Variants in SLC6A15 observed in about 807,000 individuals in gnomAD.
SLC6A15 encodes the protein sodium-dependent neutral amino acid transporter B(0)AT2.
Under a neutral mutation model 68.5 loss-of-function variants are expected in SLC6A15, and 33 were observed. The observed-to-expected ratio is 0.48, with a 90% CI of 0.37 to 0.64. The LOEUF (loss-of-function observed/expected upper bound fraction) is 0.64, where lower values mean the gene tolerates loss of function less well. Ranked by LOEUF, SLC6A15 falls within the 30% of genes least tolerant of loss-of-function variation. SLC6A15 has a pLI of 0.00. For synonymous variants in SLC6A15, 347 were observed against 301.0 expected (o/e 1.15, Z -1.58); for missense variants, 747 against 874.3 (o/e 0.85, Z 1.84).
chr12:84,904,077 T>C (rs549652157), intron 1 of SLC6A15, among the ~76,000 whole-genome samples: 1 of 152,172 alleles, frequency 6.6e-6, no homozygotes, highest in Non-Finnish European at 1.5e-5. Context: ...AGTGAAACTA[T>C]GCAAGTTCCA....
At chr12:84,882,817 T>C (rs1871884034) in intron 5 of SLC6A15, 3 of 220,496 alleles carry the variant, frequency 1.4e-5, no homozygotes, top group South Asian at 3.2e-4. Flanking sequence ...TAAAAAGTAG[T>C]TATCACAGTA....
At chr12:84,886,662 A>G (rs1451732976) in intron 2 of SLC6A15, among the ~76,000 whole-genome samples, 11 of 151,458 alleles carry the variant, frequency 7.3e-5, no homozygotes, top group Admixed American at 7.2e-4. Context: ...TACATAAAAG[A>G]AGTACACAAA....
intron 6 of SLC6A15, among the ~76,000 whole-genome samples, chr12:84,876,099 T>C (rs1871524698): frequency 6.6e-6 from 1 of 151,696 alleles, no homozygotes; most frequent in Non-Finnish European, 1.5e-5. Flanking sequence ...ATTTTTTTTT[T>C]TGGGAAAAAA....
intron 1 of SLC6A15, among the ~76,000 whole-genome samples, chr12:84,897,189 A>G (rs1285951454): frequency 6.6e-6 from 1 of 152,136 alleles, no homozygotes; most frequent in Non-Finnish European, 1.5e-5. Context: ...ACGGAGCAAG[A>G]CCGTGTCTCA....
chr12:84,891,745 A>G, intron 2 of SLC6A15, 87 bp downstream of exon 2: 1 of 1,334,138 alleles, frequency 7.5e-7, no homozygotes, highest in Non-Finnish European at 1.0e-6. Flanking sequence ...AGTTTCAAAA[A>G]TAATGAGAAA....
At chr12:84,874,257 GT>G (rs201589473) in intron 6 of SLC6A15, among the ~76,000 whole-genome samples, 4,946 of 152,236 alleles carry the variant, frequency 0.032, 261 homozygotes, top group African/African-American at 0.11. Flanking sequence ...CAAATGGCGT[GT>G]CCTCTCTGAG....
At chr12:84,910,201 T>G (rs1873370327) in intron 1 of SLC6A15, among the ~76,000 whole-genome samples, 1 of 152,098 alleles carries the variant, frequency 6.6e-6, no homozygotes, top group Non-Finnish European at 1.5e-5. Context: ...AAATAATTTT[T>G]CAATCAACTA....
chr12:84,904,053 C>G (rs560482314), intron 1 of SLC6A15, among the ~76,000 whole-genome samples: 20 of 151,946 alleles, frequency 1.3e-4, no homozygotes, highest in African/African-American at 4.6e-4. Context: ...TTGCTTTGAC[C>G]AGAAGGTAGC....
In SLC6A15 at chr12:84,861,486, A is replaced by C; in HGVS notation, c.*146T>G. ...GAATCCAAAAGAATGCTCAAGTTGA[A>C]CTGACATATACTGTTAGGATTAAAG... On this transcript the variant is annotated 3_prime_UTR_variant, in exon 12 of 12. Transcript: ENST00000266682. 1 of 808,830 alleles carries C rather than the reference A, an allele frequency of 1.2e-6. No homozygotes were observed. The highest frequency in any genetic ancestry group is 2.6e-5 in the East Asian group (1 of 39,144). 50.1% of individuals were successfully genotyped at this position (808,830 alleles called of 1,614,324 possible). A position where few individuals can be genotyped will look rare whatever the true frequency, so the allele number is the denominator to read the frequency against.
intron 1 of SLC6A15, among the ~76,000 whole-genome samples, chr12:84,901,201 G>A (rs994892944): frequency 2.6e-5 from 4 of 151,278 alleles, no homozygotes; most frequent in African/African-American, 9.7e-5. Flanking sequence ...TTCTTTAAAA[G>A]TTTGGCAGCA....
intron 11 of SLC6A15, 132 bp from the exon 12 acceptor site, chr12:84,862,138 CAGT>C: frequency 2.3e-6 from 2 of 887,386 alleles, no homozygotes; most frequent in Non-Finnish European, 3.3e-6. Context: ...CAATAGAAAG[CAGT>C]AGAAGTGACA....
At chr12:84,882,480 A>G in intron 5 of SLC6A15, 1 of 936,590 alleles carries the variant, frequency 1.1e-6, no homozygotes, top group Non-Finnish European at 1.3e-6. Context: ...ATCAGCTACA[A>G]TTTACAAGTT....
intron 2 of SLC6A15, among the ~76,000 whole-genome samples, chr12:84,888,682 G>T (rs73377510): frequency 0.018 from 2,757 of 152,114 alleles, 72 homozygotes; most frequent in African/African-American, 0.063. Flanking sequence ...CTTGGGTGAG[G>T]GGTACATTAA....
intron 10 of SLC6A15, among the ~76,000 whole-genome samples, chr12:84,864,178 T>A (rs1484127375): frequency 6.6e-6 from 1 of 151,604 alleles, no homozygotes; most frequent in Admixed American, 6.6e-5. Context: ...AGCATAATAA[T>A]AATTCCTTAA....
chr12:84,868,463 C>G (rs1309522674), intron 9 of SLC6A15, among the ~76,000 whole-genome samples: 1 of 152,142 alleles, frequency 6.6e-6, no homozygotes. Flanking sequence ...AATCTGTCTG[C>G]CTCAACAGCC....
At chr12:84,867,665 T>C (rs1050972851) in intron 9 of SLC6A15, 1 of 152,164 alleles carries the variant, frequency 6.6e-6, no homozygotes, top group Non-Finnish European at 1.5e-5. Context: ...ATACATATTA[T>C]ATATTTGATT....
chr12:84,886,091 T>G, intron 2 of SLC6A15, 23 bp from the exon 3 acceptor site: 1 of 1,503,460 alleles, frequency 6.7e-7, no homozygotes, highest in South Asian at 1.2e-5. Context: ...CAACAAAAAA[T>G]AGATTATATT....
chr12:84,907,337 G>C (rs1049197182), intron 1 of SLC6A15, among the ~76,000 whole-genome samples: 7 of 151,282 alleles, frequency 4.6e-5, no homozygotes, highest in Admixed American at 1.3e-4. Flanking sequence ...CACAGAGGGA[G>C]ACTCCGTCTC....
chr12:84,908,626 A>C lies in SLC6A15; in HGVS notation c.-189+3897T>G, dbSNP rs1025103500. ...CATATATATATATATATATATATAT[A>C]TCTTCCTACCCTTTCTCCCTAGAAT... On this transcript the variant is annotated intron_variant, in intron 1 of 11. Transcript: ENST00000266682. Among the ~76,000 whole-genome samples, 5 of 143,182 alleles carry C rather than the reference A, an allele frequency of 3.5e-5. No homozygotes were observed. The East Asian group carries it at 5.9e-4, about 17-fold the overall frequency. The allele number at this position is 143,182 out of a possible 152,430, so 93.9% of individuals were successfully genotyped here. A position where few individuals can be genotyped will look rare whatever the true frequency, so the allele number is the denominator to read the frequency against.
Sources: gnomAD v4.1 joint callset for allele counts (sites outside exome capture counted in the v4.1 genomes callset) on GRCh38, gnomAD v4.1.1 for gene constraint, MANE v1.5 for transcripts, NCBI Gene and HGNC (gene_info 2026-07-23, HGNC 2026-07-21) for gene names.